Variants in MSX1 observed in about 807,000 individuals in gnomAD.
MSX1 encodes msh homeobox 1.
Under a neutral mutation model 17.0 loss-of-function variants are expected in MSX1, and 11 were observed. The observed-to-expected ratio is 0.65, with a 90% confidence interval of 0.41 to 1.07. The LOEUF (loss-of-function observed/expected upper bound fraction) is 1.07, where lower values mean the gene tolerates loss of function less well. Among genes scored for constraint, MSX1 ranks in the 50% least tolerant of loss-of-function variants. The probability of loss-of-function intolerance (pLI) is 0.00; values close to 1 mark genes in which losing one functional copy is unlikely to be tolerated. For synonymous variants in MSX1, 253 were observed against 211.8 expected, an observed-to-expected ratio of 1.19 and a Z score of -1.69; for missense variants, 477 against 440.1, an observed-to-expected ratio of 1.08 and a Z score of -0.75.
chr4:4,860,475 C>T lies in MSX1; in HGVS notation c.469+107C>T, dbSNP rs544335907. 302 of 1,395,144 alleles carry T rather than the reference C, an allele frequency of 2.2e-4. 1 individual carries two copies. In the African/African-American group the frequency reaches 4.0e-3, roughly 18 times the overall value. The allele number at this position is 1,395,144 out of a possible 1,614,324, so 86.4% of individuals were successfully genotyped here. A position where few individuals can be genotyped will look rare whatever the true frequency, so the allele number is the denominator to read the frequency against. On this transcript the variant is annotated intron_variant, in intron 1 of 1. Transcript: ENST00000382723. ...CCTCCGGCGCCTGCGTACCTGCAGC[C>T]GGTGCTAGGGAGCCGTGGGCTGCAA...
rs1410847472 is a variant in MSX1, at chr4:4,859,743, G to A, written c.-157G>A. 7.9e-6 allele frequency: 3 copies of A among 378,462 alleles called. No individual in the cohort carries two copies. The highest frequency in any genetic ancestry group is 8.5e-5 in the East Asian group (1 of 11,698). 23.4% of individuals were successfully genotyped at this position (378,462 alleles called of 1,614,324 possible). On this transcript the variant is annotated 5_prime_UTR_variant, in exon 1 of 2. Transcript: ENST00000382723. Reference sequence around the variant, plus strand: ...ACCGGAGGCCAGGCCCAGCACGCCGGAGCTGGCCTGCTGGGGAGGGGCGGG... The same window carrying A: ...ACCGGAGGCCAGGCCCAGCACGCCGAAGCTGGCCTGCTGGGGAGGGGCGGG...
chr4:4,862,469 C>A, intron 1 of MSX1: 1 of 701,282 alleles, frequency 1.4e-6, no homozygotes, highest in East Asian at 2.7e-5. Flanking sequence ...TATTTTTCTC[C>A]TGGAATCTTA....
At position 4,860,044 on chromosome 4, in the gene MSX1, G is replaced by A. The variant is rs1331701440; in HGVS notation, c.145G>A (p.Gly49Arg). 6 of 1,511,732 alleles carry A rather than the reference G, an allele frequency of 4.0e-6. No homozygotes were observed. The East Asian group carries it at 1.1e-4, about 27-fold the overall frequency. The allele number at this position is 1,511,732 out of a possible 1,614,324, so 93.6% of individuals were successfully genotyped here. The change falls in exon 1 of 2, where the codon GGG (glycine) becomes AGG (arginine). Residue 49 changes from glycine (G) to arginine (R), a missense_variant. Physicochemically the swap from Gly to Arg is moderately radical, Grantham distance 125. Around this residue, in one of 3 missense-constraint regions of MSX1, gnomAD observed 355 missense variants for 306.1 expected, o/e 1.16. Coordinates refer to ENST00000382723, the MANE Select transcript of MSX1 (RefSeq NM_002448.3). ...TAAAMGADEE[G>R]AKPKVSPSLL... ...AGCCGCCATGGGCGCGGACGAGGAG[G>A]GGGCCAAGCCCAAAGTGTCCCCTTC...
rs33949394 is a variant in MSX1 at position 4,863,552 on chromosome 4, C to CAAAAAAAAAAAA, written c.*434_*445dup. 110 of 42,126 alleles carry CAAAAAAAAAAAA rather than the reference C, an allele frequency of 2.6e-3. 7 individuals carry two copies. The highest frequency in any genetic ancestry group is 5.9e-3 in the East Asian group (5 of 846). 2.6% of individuals were successfully genotyped at this position (42,126 alleles called of 1,614,324 possible). ...ACGATTTTGGAAATGAGAACAATCT[C>CAAAAAAAAAAAA]AAAAAAAAAAAAAAAAAAAAAAAAA... On this transcript the variant is annotated 3_prime_UTR_variant, in exon 2 of 2. Transcript: ENST00000382723.
chr4:4,863,213 C>G lies in MSX1; in HGVS notation c.*70C>G. The G allele has an allele frequency of 1.3e-6, 2 of 1,486,436 alleles. No homozygotes were observed. The highest frequency in any genetic ancestry group is 1.8e-6 in the Non-Finnish European group (2 of 1,102,302). The allele number at this position is 1,486,436 out of a possible 1,614,324, so 92.1% of individuals were successfully genotyped here. A position where few individuals can be genotyped will look rare whatever the true frequency, so the allele number is the denominator to read the frequency against. ...CCTGGTGCTGTACCCCCGACGTGCT[C>G]CCCTGCTCGGCACCGCCAGCCGCCT... On this transcript the variant is annotated 3_prime_UTR_variant, in exon 2 of 2. Transcript: ENST00000382723.
Position 4,863,887 on chromosome 4 carries a change from TTTATA to T in MSX1, c.*750_*754del, listed in dbSNP as rs1180881573. 18 of 152,622 alleles carry T rather than the reference TTTATA, an allele frequency of 1.2e-4. No homozygotes were observed. The highest frequency in any genetic ancestry group is 3.4e-4 in the African/African-American group (14 of 41,446). The allele number at this position is 152,622 out of a possible 1,614,324, so 9.5% of individuals were successfully genotyped here. The stretch of plus-strand genomic sequence containing the variant: ...CTGTATATTTGAAATTTTATTATCA[TTTATA>T]TTATAGCTATATTTGTTAAATAAAT... On this transcript the variant is annotated 3_prime_UTR_variant, in exon 2 of 2. Transcript: ENST00000382723.
At chr4:4,861,142 C>G (rs1033680049) in intron 1 of MSX1, among the ~76,000 whole-genome samples, 4 of 152,246 alleles carry the variant, frequency 2.6e-5, no homozygotes, top group African/African-American at 9.6e-5. Context: ...TCGTTTCCTC[C>G]GATTATTTTG....
intron 1 of MSX1, among the ~76,000 whole-genome samples, chr4:4,861,490 T>C (rs546439621): frequency 1.3e-5 from 2 of 152,278 alleles, no homozygotes; most frequent in South Asian, 4.1e-4. Flanking sequence ...TTGTTTTGTT[T>C]TTTCTGTTTG....
chr4:4,860,505 G>A (rs918789989), intron 1 of MSX1, 137 bp downstream of exon 1: 7 of 1,117,636 alleles, frequency 6.3e-6, no homozygotes, highest in Admixed American at 2.2e-5. Context: ...CTGCAAGGCC[G>A]GGTCTTGCGC....
At position 4,860,186 on chromosome 4, in the gene MSX1, T is replaced by C; in HGVS notation, c.287T>C (p.Leu96Pro). ...GCGGCGGGTGGCTCGGCGCAGCCAC[T>C]GGGCGTCCCGCCGGGGTCGCTGGGA... ...VQAAGGSAQP[L>P]GVPPGSLGAP... The change falls in exon 1 of 2, where the codon CTG becomes CCG. Residue 96 changes from leucine (L) to proline (P), a missense_variant. This residue lies in a region of MSX1 where 355 missense variants were observed against 306.1 expected (regional missense o/e 1.16). Transcript: ENST00000382723. 1 of 1,515,950 alleles carries C rather than the reference T, an allele frequency of 6.6e-7. No homozygotes were observed. The highest frequency in any genetic ancestry group is 1.2e-5 in the South Asian group (1 of 82,184). 93.9% of individuals were successfully genotyped at this position (1,515,950 alleles called of 1,614,324 possible). A position where few individuals can be genotyped will look rare whatever the true frequency, so the allele number is the denominator to read the frequency against.
chr4:4,863,585 A>AAAAAAAAAAAAAG lies in MSX1; in HGVS notation c.*445_*446insAAAAAAAAAGAAA, dbSNP rs1737980399. On this transcript the variant is annotated 3_prime_UTR_variant, in exon 2 of 2. Coordinates refer to ENST00000382723, the MANE Select transcript of MSX1 (RefSeq NM_002448.3). Reference sequence around the variant, plus strand: ...AAAAAAAAAAAAAAAAAAAAAAAAAAAAAGAAAAGAGAAAAAAAAGACTAG... The same window carrying AAAAAAAAAAAAAG: ...AAAAAAAAAAAAAAAAAAAAAAAAAAAAAAAAAAAAAAGAAAGAAAAGAGAAAAAAAAGACTAG... 7.8e-6 allele frequency: 1 copy of AAAAAAAAAAAAAG among 128,940 alleles called. No individual in the cohort carries two copies. 8.0% of individuals were successfully genotyped at this position (128,940 alleles called of 1,614,324 possible).
intron 1 of MSX1, 67 bp from the exon 2 acceptor site, chr4:4,862,634 T>A (rs1050283458): frequency 2.9e-5 from 46 of 1,572,606 alleles, no homozygotes; most frequent in Non-Finnish European, 3.3e-5. Flanking sequence ...TATTACTACT[T>A]CTTGGGCTGA....
rs762499877 is a variant in MSX1 at position 4,859,891 on chromosome 4, C to T, written c.-9C>T. On this transcript the variant is annotated 5_prime_UTR_variant, in exon 1 of 2. Transcript: ENST00000382723. Reference sequence around the variant, plus strand: ...CAGTGCTGCGGCAGAAGGGGGGGCCCGGCTCTGCATGGCCCCGGCTGCTGA... The same window carrying T: ...CAGTGCTGCGGCAGAAGGGGGGGCCTGGCTCTGCATGGCCCCGGCTGCTGA... 4.7e-6 allele frequency: 7 copies of T among 1,482,348 alleles called. No homozygotes were observed. Among genetic ancestry groups the T allele is most frequent in the South Asian group, 3.9e-5 (3 of 76,256 alleles). The allele number at this position is 1,482,348 out of a possible 1,614,324, so 91.8% of individuals were successfully genotyped here.
At chr4:4,860,982 G>T (rs1253004768) in intron 1 of MSX1, among the ~76,000 whole-genome samples, 2 of 152,214 alleles carry the variant, frequency 1.3e-5, no homozygotes, top group African/African-American at 4.8e-5. Context: ...TAATCCTATG[G>T]GAAGCTCCCA....
rs1188111757 is a variant in MSX1, at chr4:4,863,045, T to C, written c.814T>C (p.Tyr272His). 1 of 1,609,830 alleles carries C rather than the reference T, an allele frequency of 6.2e-7. No homozygotes were observed. The highest frequency in any genetic ancestry group is 8.5e-7 in the Non-Finnish European group (1 of 1,178,778). ...AGCGGCCGCGGCGGGTGCCTCGCTC[T>C]ACGGTGCCTCTGGCCCCTTCCAGCG... ...AVAAAAGASL[Y>H]GASGPFQRAA... The change falls in exon 2 of 2, where the codon TAC becomes CAC. Residue 272 changes from tyrosine (Y) to histidine (H), a missense_variant. Physicochemically the swap from Tyr to His is moderately conservative, Grantham distance 83. Transcript: ENST00000382723.
Position 4,862,768 on chromosome 4 carries a change from C to T in MSX1, c.537C>T (p.Phe179=). The part of the protein sequence containing the change: ...HKTNRKPRTP[F]TTAQLLALER... ...CGAACCGTAAGCCGCGGACGCCCTTCACCACCGCGCAGCTGCTGGCGCTGG... is the reference window on the plus strand; with the variant it reads ...CGAACCGTAAGCCGCGGACGCCCTTTACCACCGCGCAGCTGCTGGCGCTGG... Residue 179 remains phenylalanine, a synonymous_variant, in exon 2 of 2, where the codon TTC becomes TTT. Transcript: ENST00000382723. 1 of 1,613,554 alleles carries T rather than the reference C, an allele frequency of 6.2e-7. No homozygotes were observed. The highest frequency in any genetic ancestry group is 8.5e-7 in the Non-Finnish European group (1 of 1,180,012).
intron 1 of MSX1, 131 bp from the exon 2 acceptor site, chr4:4,862,558 GTGCCTTGCGCGA>G: frequency 1.0e-6 from 1 of 969,160 alleles, no homozygotes; most frequent in Non-Finnish European, 1.6e-6. Flanking sequence ...TATATTTCAA[GTGCCTTGCGCGA>G]TGCCCGGCAC....
Position 4,859,918 on chromosome 4 carries a change from A to T in MSX1, c.19A>T (p.Met7Leu). 1 of 1,497,066 alleles carries T rather than the reference A, an allele frequency of 6.7e-7. No homozygotes were observed. Among genetic ancestry groups the T allele is most frequent in the Non-Finnish European group, 8.9e-7 (1 of 1,124,082 alleles). The allele number at this position is 1,497,066 out of a possible 1,614,324, so 92.7% of individuals were successfully genotyped here. ...GCTCTGCATGGCCCCGGCTGCTGAC[A>T]TGACTTCTTTGCCACTCGGTGTCAA... Reference protein sequence around the residue: MAPAADMTSLPLGVKVE... With the variant: MAPAADLTSLPLGVKVE... Residue 7 changes from methionine (M) to leucine (L), a missense_variant, in exon 1 of 2, where the codon ATG (methionine) becomes TTG (leucine). Physicochemically the swap from Met to Leu is conservative, Grantham distance 15. Transcript: ENST00000382723.
intron 1 of MSX1, chr4:4,862,490 T>C (rs1175026315): frequency 4.2e-6 from 3 of 722,862 alleles, no homozygotes; most frequent in African/African-American, 3.5e-5. Flanking sequence ...GTTTCTTCAT[T>C]TGCAAAAAGT....
Sources: allele counts gnomAD v4.1 joint callset (sites outside exome capture counted in the v4.1 genomes callset), GRCh38; gene constraint gnomAD v4.1.1; regional missense constraint gnomAD v4.1.1; transcripts MANE v1.5; gene names NCBI Gene and HGNC (gene_info 2026-07-23, HGNC 2026-07-21).